PCGF1: variants seen among roughly 807,000 people sequenced by gnomAD.
PCGF1 encodes polycomb group ring finger 1.
PCGF1 carries 10 observed loss-of-function variants against 38.8 expected under a neutral mutation model. The ratio of observed to expected loss-of-function variants is 0.26; its 90% CI spans 0.16 to 0.44. The LOEUF (loss-of-function observed/expected upper bound fraction) is 0.44, where lower values mean the gene tolerates loss of function less well. Ranked by LOEUF, PCGF1 falls within the 20% of genes least tolerant of loss-of-function variation. The pLI, the probability that PCGF1 is intolerant of heterozygous loss-of-function variation, is 1.00. For synonymous variants in PCGF1, 119 were observed against 121.3 expected (o/e 0.98, Z 0.12); for missense variants, 230 against 331.5 (o/e 0.69, Z 2.38).
Position 74,505,956 on chromosome 2 carries a change from GCCGCT to G in PCGF1, c.521_525del (p.Glu174AlafsTer9). The G allele has an allele frequency of 6.2e-7, 1 of 1,614,032 alleles. No individual in the cohort carries two copies. Among genetic ancestry groups the G allele is most frequent in the Non-Finnish European group, 8.5e-7 (1 of 1,180,028 alleles). On this transcript the variant is annotated frameshift_variant, in exon 5 of 9. Coordinates refer to ENST00000233630, the MANE Select transcript of PCGF1 (RefSeq NM_032673.3). LOFTEE classifies it high-confidence loss of function. ...AACCCCTGACCTTCTCCTCACCTCAGCCGCTCCAGGCACAGGTTCAACTGCTCATC... is the reference window on the plus strand; with the variant it reads ...AACCCCTGACCTTCTCCTCACCTCAGCCAGGCACAGGTTCAACTGCTCATC...
At chr2:74,507,275 G>GATT in intron 1 of PCGF1, 128 bp from the exon 2 acceptor site, 1 of 1,479,694 alleles carries the variant, frequency 6.8e-7, no homozygotes, top group Non-Finnish European at 9.0e-7. Context: ...ATCAGCCGGG[G>GATT]ATTAGCTCCT....
chr2:74,507,252 C>G, intron 1 of PCGF1, 105 bp from the exon 2 acceptor site: 1 of 1,487,850 alleles, frequency 6.7e-7, no homozygotes, highest in Non-Finnish European at 9.1e-7. Flanking sequence ...GGCCAAGCCC[C>G]GCGCCCTGCG....
chr2:74,506,894 A>G lies in PCGF1; in HGVS notation c.200-10T>C. On this transcript the variant is annotated splice_polypyrimidine_tract_variant and intron_variant, in intron 2 of 8. Coordinates refer to ENST00000233630, the MANE Select transcript of PCGF1 (RefSeq NM_032673.3). ...ATACAACTCTTGCAGACTGCAGGAA[A>G]AGAAAAGCAGATTCTCAGGCCCTCT... The G allele has an allele frequency of 1.9e-6, 3 of 1,614,140 alleles. No homozygotes were observed. In the South Asian group the frequency reaches 3.3e-5, roughly 18 times the overall value.
Sources: allele counts gnomAD v4.1 joint callset, GRCh38; gene constraint gnomAD v4.1.1; transcripts MANE v1.5; gene names NCBI Gene and HGNC (gene_info 2026-07-23, HGNC 2026-07-21).